The following SCML4 variants were observed in gnomAD, a reference collection of about 807,000 sequenced individuals.
SCML4 encodes sex comb on midleg-like protein 4.
In SCML4, 34 loss-of-function variants were observed where a neutral mutation model predicts 41.1. That is an observed-to-expected ratio of 0.83 (90% CI 0.63 to 1.10). The LOEUF (loss-of-function observed/expected upper bound fraction) is 1.10. Among genes scored for constraint, SCML4 ranks in the 50% least tolerant of loss-of-function variants. The pLI is 0.00. For missense variants in SCML4, 522 were observed against 534.1 expected (o/e 0.98, Z 0.22); for synonymous variants, 214 against 220.9 (o/e 0.97, Z 0.28).
At chr6:107,717,899 G>A (rs1774994104) in intron 6 of SCML4, among the ~76,000 whole-genome samples, 1 of 152,210 alleles carries the variant, frequency 6.6e-6, no homozygotes, top group Non-Finnish European at 1.5e-5. Flanking sequence ...CAGGGTTCAG[G>A]TATTGATGTT....
At chr6:107,731,001 C>G (rs1441986360) in intron 5 of SCML4, among the ~76,000 whole-genome samples, 1 of 152,162 alleles carries the variant, frequency 6.6e-6, no homozygotes, top group East Asian at 1.9e-4. Context: ...AATGCCCCTG[C>G]ATCCATGGCT....
At chr6:107,823,948 T>C (rs1785127904) in intron 1 of SCML4, among the ~76,000 whole-genome samples, 178 bp downstream of exon 1, 1 of 152,258 alleles carries the variant, frequency 6.6e-6, no homozygotes, top group African/African-American at 2.4e-5. Flanking sequence ...ACTTTGCATA[T>C]GAGGAACTAA....
the SCML4 span, among the ~76,000 whole-genome samples, chr6:107,830,994 G>A: frequency 2.3e-3 from 357 of 152,244 alleles, 1 homozygote; most frequent in Non-Finnish European, 3.9e-3. Flanking sequence ...GAAGCTTCTA[G>A]AATTAGCAAA....
At chr6:107,735,989 C>T (rs1777030595) in intron 5 of SCML4, among the ~76,000 whole-genome samples, 1 of 152,104 alleles carries the variant, frequency 6.6e-6, no homozygotes, top group African/African-American at 2.4e-5. Flanking sequence ...CATCATTCCA[C>T]ATATTAATTC....
chr6:107,783,505 G>C (rs1404466442), intron 1 of SCML4, among the ~76,000 whole-genome samples: 1 of 802 alleles, frequency 1.2e-3, no homozygotes. Context: ...TGCCTGATGG[G>C]AGGTGCTGGT....
intron 1 of SCML4, among the ~76,000 whole-genome samples, chr6:107,797,886 T>A (rs1456152952): frequency 6.6e-6 from 1 of 152,138 alleles, no homozygotes. Context: ...GATGATCATA[T>A]AATTTCTATC....
chr6:107,707,770 C>T, intron 7 of SCML4, 96 bp downstream of exon 7: 2 of 1,488,664 alleles, frequency 1.3e-6, no homozygotes, highest in East Asian at 4.9e-5. Flanking sequence ...CCCTCCACCA[C>T]CTCCCCTGGC....
chr6:107,843,741 C>T, the SCML4 span, among the ~76,000 whole-genome samples: 1 of 152,104 alleles, frequency 6.6e-6, no homozygotes, highest in African/African-American at 2.4e-5. Context: ...AACATGTTTC[C>T]AGGCAGGGAT....
chr6:107,771,548 T>C (rs1199835051), intron 2 of SCML4, among the ~76,000 whole-genome samples: 1 of 152,180 alleles, frequency 6.6e-6, no homozygotes, highest in African/African-American at 2.4e-5. Context: ...CCTCTCCAAA[T>C]CACTGCTAAT....
At chr6:107,716,068 C>T (rs1050777620) in intron 6 of SCML4, among the ~76,000 whole-genome samples, 3 of 152,166 alleles carry the variant, frequency 2.0e-5, no homozygotes, top group South Asian at 2.1e-4. Context: ...AGGACGCTGG[C>T]GGTTTCTCTC....
intron 1 of SCML4, among the ~76,000 whole-genome samples, chr6:107,809,169 C>T (rs989749453): frequency 1.3e-5 from 2 of 152,198 alleles, no homozygotes; most frequent in Non-Finnish European, 2.9e-5. Flanking sequence ...TTTGTCCCCT[C>T]TAGAGGATGC....
chr6:107,786,747 G>A (rs910716376), intron 1 of SCML4, among the ~76,000 whole-genome samples: 2 of 152,200 alleles, frequency 1.3e-5, no homozygotes, highest in Non-Finnish European at 2.9e-5. Context: ...TGAGGCAGCA[G>A]AGTCCAGCCC....
At position 107,756,153 on chromosome 6, in the gene SCML4, C is replaced by T. The variant is rs545614474; in HGVS notation, c.157-6340G>A. On this transcript the variant is annotated intron_variant, in intron 2 of 7. Coordinates refer to ENST00000369020, the MANE Select transcript of SCML4 (RefSeq NM_198081.5). ...AGTAGGTGAAGTGCAATTCCCTACT[C>T]CTTACGGATGGGCTGTGCACAGTGA... is the stretch of plus-strand genomic sequence containing the variant. Among the ~76,000 whole-genome samples, 3 of 152,290 alleles carry T rather than the reference C, an allele frequency of 2.0e-5. No individual in the cohort carries two copies. The South Asian group carries it at 6.2e-4, about 32-fold the overall frequency.
chr6:107,818,268 C>T (rs572328444), intron 1 of SCML4, among the ~76,000 whole-genome samples: 2 of 152,290 alleles, frequency 1.3e-5, no homozygotes, highest in African/African-American at 2.4e-5. Context: ...GCTGGGTTGA[C>T]TCCTAAGTCT....
At chr6:107,743,991 T>A (rs1291882338) in intron 5 of SCML4, 2 of 151,734 alleles carry the variant, frequency 1.3e-5, no homozygotes, top group Non-Finnish European at 2.9e-5. Context: ...TCTACTTTCC[T>A]AAGCTCATGC....
intron 1 of SCML4, among the ~76,000 whole-genome samples, chr6:107,784,125 A>G (rs1422879409): frequency 6.6e-6 from 1 of 152,232 alleles, no homozygotes; most frequent in Non-Finnish European, 1.5e-5. Flanking sequence ...CCCAACAGAC[A>G]GACATGAAAA....
the SCML4 span, among the ~76,000 whole-genome samples, chr6:107,835,647 G>A: frequency 5.9e-5 from 9 of 151,294 alleles, no homozygotes; most frequent in African/African-American, 1.7e-4. Context: ...GGGGAGGGGC[G>A]GGCAAGGTGG....
intron 7 of SCML4, among the ~76,000 whole-genome samples, chr6:107,707,339 A>G (rs1773750983): frequency 6.6e-6 from 1 of 150,494 alleles, no homozygotes; most frequent in Non-Finnish European, 1.5e-5. Flanking sequence ...AAATGCATAT[A>G]GTAAGCCTGG....
chr6:107,839,712 A>G, the SCML4 span, among the ~76,000 whole-genome samples: 3 of 152,150 alleles, frequency 2.0e-5, no homozygotes, highest in African/African-American at 7.2e-5. Flanking sequence ...TTGGTTCTCT[A>G]CCCCTGAGAA....
Sources: gnomAD v4.1 joint callset for allele counts (sites outside exome capture counted in the v4.1 genomes callset) on GRCh38, gnomAD v4.1.1 for gene constraint, MANE v1.5 for transcripts, NCBI Gene and HGNC (gene_info 2026-07-23, HGNC 2026-07-21) for gene names.